NARS1: variants seen among roughly 807,000 people sequenced by gnomAD.
The protein encoded by NARS1 is asparaginyl-tRNA synthetase 1.
Under a neutral mutation model 79.2 loss-of-function variants are expected in NARS1, and 65 were observed. That is an observed-to-expected ratio of 0.82 (90% CI 0.67 to 1.01). NARS1 has a LOEUF of 1.01. Among genes scored for constraint, NARS1 ranks in the 50% least tolerant of loss-of-function variants. NARS1 has a pLI of 0.00. For synonymous variants in NARS1, 229 were observed against 238.8 expected, an observed-to-expected ratio of 0.96 and a Z score of 0.38; for missense variants, 649 against 673.8, an observed-to-expected ratio of 0.96 and a Z score of 0.41.
chr18:57,605,145 A>ATATC (rs147418483), intron 11 of NARS1, among the ~76,000 whole-genome samples: 58 of 140,158 alleles, frequency 4.1e-4, no homozygotes, highest in South Asian at 8.8e-4. Context: ...ATATATATAT[A>ATATC]TATATATATC....
Position 57,601,616 on chromosome 18 carries a change from T to G in NARS1, c.*36A>C. On this transcript the variant is annotated 3_prime_UTR_variant, in exon 14 of 14. Coordinates refer to ENST00000256854, the MANE Select transcript of NARS1 (RefSeq NM_004539.4). Reference sequence around the variant, plus strand: ...TTTCTTTTTTAAAGAGCCTGTTCCTTTCATAATCTTTCCTCCACGCTTCTG... The same window carrying G: ...TTTCTTTTTTAAAGAGCCTGTTCCTGTCATAATCTTTCCTCCACGCTTCTG... 6.2e-7 allele frequency: 1 copy of G among 1,604,206 alleles called. No individual in the cohort carries two copies. Among genetic ancestry groups the G allele is most frequent in the Non-Finnish European group, 8.5e-7 (1 of 1,172,780 alleles).
intron 1 of NARS1, 42 bp from the exon 2 acceptor site, chr18:57,620,693 C>G (rs1173075898): frequency 2.5e-6 from 3 of 1,200,424 alleles, no homozygotes; most frequent in Non-Finnish European, 3.7e-6. Context: ...TGGCCATTAA[C>G]TATTAGTCAC....
rs758728919 is a variant in NARS1 at position 57,616,006 on chromosome 18, T to G, written c.94-31A>C. 34 of 1,541,858 alleles carry G rather than the reference T, an allele frequency of 2.2e-5. No individual in the cohort carries two copies. In the South Asian group the frequency reaches 3.8e-4, roughly 17 times the overall value. Reference sequence around the variant, plus strand: ...GTAGGGAGGAGAGAAAAGACAGTTCTTGAACATTGTACAATACTTAAAATC... The same window carrying G: ...GTAGGGAGGAGAGAAAAGACAGTTCGTGAACATTGTACAATACTTAAAATC... On this transcript the variant is annotated intron_variant, in intron 2 of 13. Coordinates refer to ENST00000256854, the MANE Select transcript of NARS1 (RefSeq NM_004539.4).
Position 57,615,362 on chromosome 18 carries a change from C to T in NARS1, c.342+279G>A, listed in dbSNP as rs534778836. Reference sequence around the variant, plus strand: ...CCAAAAATACAAAACATTAGCCGGGCGTGGTGGCGGGCGCCTGTAGTCCCA... The same window carrying T: ...CCAAAAATACAAAACATTAGCCGGGTGTGGTGGCGGGCGCCTGTAGTCCCA... On this transcript the variant is annotated intron_variant, in intron 4 of 13. Coordinates refer to ENST00000256854, the MANE Select transcript of NARS1 (RefSeq NM_004539.4). 1.1e-4 allele frequency among the ~76,000 whole-genome samples: 17 copies of T among 151,876 alleles called. No homozygotes were observed. In the East Asian group the frequency reaches 3.3e-3, roughly 29 times the overall value.
rs542769877 is a variant in NARS1 at position 57,620,611 on chromosome 18, C to G, written c.51G>C (p.Thr17=). 23 of 1,613,780 alleles carry G rather than the reference C, an allele frequency of 1.4e-5. No individual in the cohort carries two copies. Among genetic ancestry groups the G allele is most frequent in the Admixed American group, 1.7e-5 (1 of 59,896 alleles). Residue 17 remains threonine, a synonymous_variant, in exon 2 of 14, where the codon ACG becomes ACC. Coordinates refer to ENST00000256854, the MANE Select transcript of NARS1 (RefSeq NM_004539.4). ...ATGGTTTCTCCTTGGTTCCATCTCC[C>G]GTGGCATCGCTTCCCTCTCGGTCAG... is the stretch of plus-strand genomic sequence containing the variant. ...YVSDREGSDA[T]GDGTKEKPFK... is the part of the protein sequence containing the mutation.
chr18:57,621,618 G>T (rs1265676825), intron 1 of NARS1, 90 bp downstream of exon 1: 14 of 1,115,982 alleles, frequency 1.3e-5, no homozygotes, highest in Non-Finnish European at 1.9e-5. Context: ...GCCCACTCTG[G>T]TAGGCACTAA....
At chr18:57,607,415 T>C (rs1467723435) in intron 8 of NARS1, 29 bp downstream of exon 8, 1 of 1,612,242 alleles carries the variant, frequency 6.2e-7, no homozygotes, top group African/African-American at 1.3e-5. Flanking sequence ...AAACATATTC[T>C]TTGCAAAAGC....
intron 13 of NARS1, 88 bp from the exon 14 acceptor site, chr18:57,601,871 G>C (rs939959753): frequency 5.0e-6 from 7 of 1,405,240 alleles, no homozygotes; most frequent in Non-Finnish European, 7.0e-6. Context: ...ACCATGAAAG[G>C]AGTTAGCTCA....
At chr18:57,613,377 C>A (rs1299094504) in intron 5 of NARS1, among the ~76,000 whole-genome samples, 2 of 152,128 alleles carry the variant, frequency 1.3e-5, no homozygotes, top group African/African-American at 4.8e-5. Flanking sequence ...CCTGTGATAA[C>A]AGCTACTCAG....
chr18:57,616,034 A>T, intron 2 of NARS1, 59 bp from the exon 3 acceptor site: 1 of 1,432,062 alleles, frequency 7.0e-7, no homozygotes, highest in Non-Finnish European at 9.5e-7. Context: ...TTAAAATCAA[A>T]ATAACATCTC....
intron 4 of NARS1, among the ~76,000 whole-genome samples, chr18:57,615,082 C>T (rs928243275): frequency 3.3e-5 from 5 of 152,010 alleles, no homozygotes; most frequent in South Asian, 2.1e-4. Context: ...TTGGGAGGAT[C>T]GTTAGAGCCC....
At chr18:57,606,542 A>C in intron 10 of NARS1, 74 bp downstream of exon 10, 1 of 1,460,154 alleles carries the variant, frequency 6.8e-7, no homozygotes. Flanking sequence ...AAATCTACAA[A>C]AACTGAGGGT....
rs771068592 is a variant in NARS1, at chr18:57,607,500, G to A, written c.745C>T (p.Arg249Ter). 9.9e-6 allele frequency: 16 copies of A among 1,614,012 alleles called. No homozygotes were observed. Among genetic ancestry groups the A allele is most frequent in the South Asian group, 2.2e-5 (2 of 91,090 alleles). ...GENMSKILKA[R>*]SMVTRCFRDH... ...CTAAAGCACCTGGTGACCATGGATCGTGCTTTTAGGATTTTGGACATGTTT... is the reference window on the plus strand; with the variant it reads ...CTAAAGCACCTGGTGACCATGGATCATGCTTTTAGGATTTTGGACATGTTT... The change falls in exon 8 of 14, where the codon CGA (arginine) becomes TGA (stop). Residue 249 changes from arginine (R) to a stop codon, truncating the protein, a stop_gained. Coordinates refer to ENST00000256854, the MANE Select transcript of NARS1 (RefSeq NM_004539.4). LOFTEE classifies it high-confidence loss of function.
chr18:57,607,479 A>C lies in NARS1; in HGVS notation c.766T>G (p.Phe256Val). 1.9e-6 allele frequency: 3 copies of C among 1,614,176 alleles called. No individual in the cohort carries two copies. The highest frequency in any genetic ancestry group is 1.1e-5 in the South Asian group (1 of 91,088). The change falls in exon 8 of 14, where the codon TTT becomes GTT. Residue 256 changes from phenylalanine (F) to valine (V), a missense_variant. Transcript: ENST00000256854. ...LKARSMVTRCFRDHFFDRGYY... is the reference protein window; with the variant it reads ...LKARSMVTRCVRDHFFDRGYY... ...CCCCTATCAAAGAAGTGATCTCTAA[A>C]GCACCTGGTGACCATGGATCGTGCT...
intron 5 of NARS1, among the ~76,000 whole-genome samples, chr18:57,612,671 G>A (rs2051614334): frequency 6.6e-6 from 1 of 152,136 alleles, no homozygotes; most frequent in Non-Finnish European, 1.5e-5. Flanking sequence ...CCTGACCTCA[G>A]GCGATCCACC....
At chr18:57,603,245 A>G (rs541585246) in intron 11 of NARS1, among the ~76,000 whole-genome samples, 109 of 152,014 alleles carry the variant, frequency 7.2e-4, no homozygotes, top group African/African-American at 2.5e-3. Context: ...AGCCAGCCCC[A>G]AGCTGTGACT....
chr18:57,615,714 C>G lies in NARS1; in HGVS notation c.269G>C (p.Arg90Pro). Reference sequence around the variant, plus strand: ...TGCTTCTTCCAGGTTCTTTTCTCTTCGTAAACTATCTTCTGCCTAATTTTA... The same window carrying G: ...TGCTTCTTCCAGGTTCTTTTCTCTTGGTAAACTATCTTCTGCCTAATTTTA... ...REKKEAEDSL[R>P]REKNLEEAKK... Residue 90 changes from arginine (R) to proline (P), a missense_variant, in exon 4 of 14, where the codon CGA becomes CCA. Transcript: ENST00000256854. The G allele has an allele frequency of 6.2e-7, 1 of 1,612,938 alleles. No individual in the cohort carries two copies. Among genetic ancestry groups the G allele is most frequent in the Non-Finnish European group, 8.5e-7 (1 of 1,179,614 alleles).
At chr18:57,616,061 G>C in intron 2 of NARS1, 86 bp from the exon 3 acceptor site, 2 of 1,244,968 alleles carry the variant, frequency 1.6e-6, no homozygotes, top group South Asian at 3.0e-5. Flanking sequence ...AAGGCAACTG[G>C]AACAATCTAA....
At chr18:57,604,829 T>G (rs1471766944) in intron 11 of NARS1, among the ~76,000 whole-genome samples, 1 of 152,120 alleles carries the variant, frequency 6.6e-6, no homozygotes, top group Non-Finnish European at 1.5e-5. Flanking sequence ...TTCAAGGTTG[T>G]AGCCAGCTAT....
Sources: gnomAD v4.1 joint callset for allele counts (sites outside exome capture counted in the v4.1 genomes callset) on GRCh38, gnomAD v4.1.1 for gene constraint, MANE v1.5 for transcripts, NCBI Gene and HGNC (gene_info 2026-07-23, HGNC 2026-07-21) for gene names.